Variants in ZNF248 observed in about 807,000 individuals in gnomAD.
ZNF248 encodes KRAB protein domain.
A neutral mutation model predicts 44.3 loss-of-function variants in ZNF248; 20 were observed. The observed-to-expected ratio is 0.45, with a 90% CI of 0.32 to 0.66. The LOEUF (loss-of-function observed/expected upper bound fraction) is 0.66, where lower values mean the gene tolerates loss of function less well. ZNF248 is among the 30% of genes least tolerant of loss of function. The pLI is 0.04. For missense variants in ZNF248, 654 were observed against 677.0 expected (o/e 0.97, Z 0.38); for synonymous variants, 224 against 229.0 (o/e 0.98, Z 0.20).
intron 6 of ZNF248, among the ~76,000 whole-genome samples, chr10:37,777,781 C>T (rs1363653352): frequency 8.7e-5 from 13 of 149,346 alleles, no homozygotes; most frequent in Admixed American, 8.1e-4. Flanking sequence ...TGAGAATATG[C>T]GGTGTTTGGT....
rs938860491 is a variant in ZNF248 at position 37,791,310 on chromosome 10, G to A, written c.331-14735C>T. On this transcript the variant is annotated intron_variant, in intron 6 of 6. Coordinates refer to the ZNF248 transcript ENST00000615949. Reference sequence around the variant, plus strand: ...ACCTACCTCGGCCTCCCAAAGTGCTGGGATTACAGGTGTGAGCCACCGTGC... The same window carrying A: ...ACCTACCTCGGCCTCCCAAAGTGCTAGGATTACAGGTGTGAGCCACCGTGC... 2.6e-5 allele frequency among the ~76,000 whole-genome samples: 4 copies of A among 151,922 alleles called. 1 individual carries two copies. Among genetic ancestry groups the A allele is most frequent in the African/African-American group, 7.2e-5 (3 of 41,448 alleles).
chr10:37,831,794 T>C lies in ZNF248; in HGVS notation c.1561A>G (p.Lys521Glu). 1.2e-6 allele frequency: 2 copies of C among 1,612,644 alleles called. No homozygotes were observed. The highest frequency in any genetic ancestry group is 8.5e-7 in the Non-Finnish European group (1 of 1,179,136). The change falls in exon 6 of 6, where the codon AAG (lysine) becomes GAG (glutamate). Residue 521 changes from lysine (K) to glutamate (E), a missense_variant. By Grantham distance (56) the Lys-to-Glu change is moderately conservative. Coordinates refer to ENST00000395867, the MANE Select transcript of ZNF248 (RefSeq NM_021045.3). ...QRTHTGEKPY[K>E]CNECGKTFCE... ...AAGGTTTTCCCACATTCATTACACTTATATGGTTTCTCCCCAGTGTGAGTT... is the reference window on the plus strand; with the variant it reads ...AAGGTTTTCCCACATTCATTACACTCATATGGTTTCTCCCCAGTGTGAGTT...
chr10:37,804,661 T>G (rs1374052913), intron 6 of ZNF248, among the ~76,000 whole-genome samples: 1 of 152,198 alleles, frequency 6.6e-6, no homozygotes, highest in African/African-American at 2.4e-5. Context: ...GGTCTCGAAC[T>G]CCTGGGCTAG....
intron 6 of ZNF248, among the ~76,000 whole-genome samples, chr10:37,818,019 C>T (rs1173313079): frequency 1.3e-5 from 2 of 152,062 alleles, no homozygotes; most frequent in African/African-American, 4.8e-5. Context: ...GGGTTCACGA[C>T]ATTCTCCTGC....
chr10:37,829,841 AC>A lies in ZNF248; in HGVS notation c.*1773del. ...CAAACATCTCATTGCTCCCAAGTTC[AC>A]CCCAACAGAATCATTAAAATGGAAC... On this transcript the variant is annotated 3_prime_UTR_variant, in exon 6 of 6. Coordinates refer to ENST00000395867, the MANE Select transcript of ZNF248 (RefSeq NM_021045.3). The A allele has an allele frequency of 1.0e-6, 1 of 985,356 alleles. No individual in the cohort carries two copies. Among genetic ancestry groups the A allele is most frequent in the Non-Finnish European group, 1.2e-6 (1 of 829,930 alleles). 61.0% of individuals were successfully genotyped at this position (985,356 alleles called of 1,614,324 possible). A position where few individuals can be genotyped will look rare whatever the true frequency, so the allele number is the denominator to read the frequency against.
At chr10:37,805,484 A>C (rs926300987) in intron 6 of ZNF248, among the ~76,000 whole-genome samples, 2 of 152,212 alleles carry the variant, frequency 1.3e-5, no homozygotes, top group Admixed American at 1.3e-4. Context: ...TTCCAATGGA[A>C]TAGACCAAAT....
intron 6 of ZNF248, among the ~76,000 whole-genome samples, chr10:37,788,222 G>GCCA (rs2048107517): frequency 7.2e-6 from 1 of 139,462 alleles, no homozygotes; most frequent in African/African-American, 2.7e-5. Flanking sequence ...CCAAGATCGT[G>GCCA]CCGCTGCACC....
In ZNF248 at chr10:37,790,758, A is replaced by C. The variant is rs1324052983; in HGVS notation, c.331-14183T>G. On this transcript the variant is annotated intron_variant, in intron 6 of 6. Transcript: ENST00000615949. The stretch of plus-strand genomic sequence containing the variant: ...TAATTTTTTAAAAAAATAAAAATAA[A>C]AAATAAAAAAAGTTAGCCAAGTGTG... Among the ~76,000 whole-genome samples the C allele has an allele frequency of 2.0e-5, 3 of 148,194 alleles. No homozygotes were observed. In the Admixed American group the frequency reaches 2.0e-4, roughly 10 times the overall value.
intron 3 of ZNF248, among the ~76,000 whole-genome samples, chr10:37,850,716 A>C (rs931344809): frequency 6.6e-6 from 1 of 152,190 alleles, no homozygotes; most frequent in Non-Finnish European, 1.5e-5. Flanking sequence ...GTTGAAAAAA[A>C]ATTTTTAACA....
At position 37,831,897 on chromosome 10, in the gene ZNF248, G is replaced by A. The variant is rs1403243194; in HGVS notation, c.1458C>T (p.His486=). 4 of 1,613,928 alleles carry A rather than the reference G, an allele frequency of 2.5e-6. No homozygotes were observed. Among genetic ancestry groups the A allele is most frequent in the Non-Finnish European group, 3.4e-6 (4 of 1,179,980 alleles). ...RSALTVHQRT[H]TGEKPFICNE... is the part of the protein sequence containing the mutation. ...TACATATAAACGGTTTCTCCCCTGT[G>A]TGTGTTCTCTGATGCACAGTGAGGG... is the stretch of plus-strand genomic sequence containing the variant. The change falls in exon 6 of 6, where the codon CAC becomes CAT. Residue 486 remains histidine, a synonymous_variant. Coordinates refer to ENST00000395867, the MANE Select transcript of ZNF248 (RefSeq NM_021045.3).
rs374538113 is a variant in ZNF248 at position 37,801,498 on chromosome 10, A to G, written c.331-24923T>C. ...ATAAAGCCAAAGGCACTGTATAAATAAAATGCAAGAGAAAAACTTGGAGAG... is the reference window on the plus strand; with the variant it reads ...ATAAAGCCAAAGGCACTGTATAAATGAAATGCAAGAGAAAAACTTGGAGAG... On this transcript the variant is annotated intron_variant, in intron 6 of 6. Transcript: ENST00000615949. Among the ~76,000 whole-genome samples, 3 of 152,332 alleles carry G rather than the reference A, an allele frequency of 2.0e-5. No individual in the cohort carries two copies. In the East Asian group the frequency reaches 5.8e-4, roughly 29 times the overall value.
chr10:37,776,103 A>T (rs1262875640), downstream of ZNF248, among the ~76,000 whole-genome samples: 4 of 152,164 alleles, frequency 2.6e-5, no homozygotes, highest in South Asian at 8.3e-4. Flanking sequence ...CACAATGGAC[A>T]TGGCGTGAGA....
the ZNF248 span, among the ~76,000 whole-genome samples, chr10:37,768,655 G>C: frequency 0.067 from 10,103 of 151,924 alleles, 405 homozygotes; most frequent in Middle Eastern, 0.099. Flanking sequence ...ACTAAATGCC[G>C]ACAAGAGAAA....
chr10:37,763,690 T>C, the ZNF248 span, among the ~76,000 whole-genome samples: 1 of 152,212 alleles, frequency 6.6e-6, no homozygotes, highest in South Asian at 2.1e-4. Flanking sequence ...AGAAAAGATA[T>C]GTTGTTGCAG....
downstream of ZNF248, among the ~76,000 whole-genome samples, chr10:37,826,640 A>G (rs2054436589): frequency 1.3e-5 from 2 of 152,172 alleles, no homozygotes; most frequent in African/African-American, 4.8e-5. Context: ...ATCTGAGAAA[A>G]CTAAAAACCA....
Position 37,829,444 on chromosome 10 carries a change from A to G in ZNF248, c.*2171T>C. On this transcript the variant is annotated 3_prime_UTR_variant, in exon 6 of 6. Transcript: ENST00000395867. ...ACAGCCATCCCTATATTAACTTGTG[A>G]AAAGAAATAATTCTTCCCCCTAATT... 1 of 985,432 alleles carries G rather than the reference A, an allele frequency of 1.0e-6. No individual in the cohort carries two copies. Among genetic ancestry groups the G allele is most frequent in the Non-Finnish European group, 1.2e-6 (1 of 829,926 alleles). The allele number at this position is 985,432 out of a possible 1,614,324, so 61.0% of individuals were successfully genotyped here. A position where few individuals can be genotyped will look rare whatever the true frequency, so the allele number is the denominator to read the frequency against.
chr10:37,762,038 T>C, the ZNF248 span, among the ~76,000 whole-genome samples: 9,121 of 152,346 alleles, frequency 0.06, 354 homozygotes, highest in Middle Eastern at 0.095. Context: ...TTAATCATTA[T>C]GAAATTGTAT....
chr10:37,849,695 A>T (rs1040442983), intron 3 of ZNF248, among the ~76,000 whole-genome samples: 12 of 152,128 alleles, frequency 7.9e-5, no homozygotes, highest in Non-Finnish European at 1.3e-4. Flanking sequence ...AAAAAAAAAA[A>T]ATTTTTCAAA....
At position 37,781,124 on chromosome 10, in the gene ZNF248, G is replaced by C. The variant is rs147011999; in HGVS notation, c.331-4549C>G. The stretch of plus-strand genomic sequence containing the variant: ...TAGAATGTGATTTTATTTCAAAAAG[G>C]GTCCTGGAATATAGGACTACCATGT... On this transcript the variant is annotated intron_variant, in intron 6 of 6. Coordinates refer to the ZNF248 transcript ENST00000615949. 4.1e-4 allele frequency among the ~76,000 whole-genome samples: 62 copies of C among 152,206 alleles called. No individual in the cohort carries two copies. In the East Asian group the frequency reaches 0.012, roughly 28 times the overall value.
Sources: gnomAD v4.1 joint callset for allele counts (sites outside exome capture counted in the v4.1 genomes callset) on GRCh38, gnomAD v4.1.1 for gene constraint, MANE v1.5 for transcripts, NCBI Gene and HGNC (gene_info 2026-07-23, HGNC 2026-07-21) for gene names.